Variants in PSD3 observed in about 807,000 individuals in gnomAD.
PSD3 encodes the protein PH and SEC7 domain-containing protein 3.
In PSD3, 49 loss-of-function variants were observed where a neutral mutation model predicts 105.5. That is an observed-to-expected ratio of 0.46 (90% confidence interval 0.37 to 0.59). PSD3 has a LOEUF of 0.59. Ranked by LOEUF, PSD3 falls within the 20% of genes least tolerant of loss-of-function variation. PSD3 has a pLI of 0.00. For missense variants in PSD3, 1,561 were observed against 1,263.8 expected (o/e 1.24, Z -3.57); for synonymous variants, 557 against 457.8 (o/e 1.22, Z -2.77).
chr8:19,015,025 C>T (rs903698017), upstream of PSD3, among the ~76,000 whole-genome samples: 21 of 152,160 alleles, frequency 1.4e-4, no homozygotes, highest in African/African-American at 5.1e-4. Flanking sequence ...GTCACTTGGG[C>T]ATTGATATGG....
chr8:18,780,347 C>T (rs1241967741), intron 8 of PSD3, among the ~76,000 whole-genome samples: 1 of 2,688 alleles, frequency 3.7e-4, no homozygotes, highest in Non-Finnish European at 1.7e-3. Flanking sequence ...ATAGTTAAGT[C>T]ATTTTTTTTT....
chr8:18,779,950 C>G (rs537885337), intron 8 of PSD3, among the ~76,000 whole-genome samples: 8 of 152,142 alleles, frequency 5.3e-5, no homozygotes, highest in African/African-American at 1.9e-4. Flanking sequence ...TGATCTAAAA[C>G]GAAGTTTAAA....
chr8:18,537,093 A>T (rs1303889992), intron 15 of PSD3, among the ~76,000 whole-genome samples: 4 of 152,210 alleles, frequency 2.6e-5, no homozygotes, highest in Non-Finnish European at 4.4e-5. Context: ...TCGTTTAACA[A>T]TGGGAAAAAG....
chr8:18,845,361 T>C (rs1814998455), intron 4 of PSD3, among the ~76,000 whole-genome samples: 1 of 152,208 alleles, frequency 6.6e-6, no homozygotes, highest in South Asian at 2.1e-4. Flanking sequence ...CTTTGGCGGC[T>C]GCACTGTCCC....
chr8:18,567,408 G>C (rs1332900091), intron 14 of PSD3, among the ~76,000 whole-genome samples: 2 of 152,058 alleles, frequency 1.3e-5, no homozygotes, highest in Non-Finnish European at 1.5e-5. Context: ...AAATGCATTT[G>C]CTTTAAGAGT....
intron 2 of PSD3, among the ~76,000 whole-genome samples, chr8:18,913,086 A>AAACACAC (rs1820350725): frequency 3.0e-4 from 39 of 130,542 alleles, no homozygotes; most frequent in Middle Eastern, 3.8e-3. Context: ...CACACACACA[A>AAACACAC]ACACACACAC....
At chr8:18,937,733 T>C (rs1376655415) in intron 1 of PSD3, among the ~76,000 whole-genome samples, 3 of 152,186 alleles carry the variant, frequency 2.0e-5, no homozygotes, top group Admixed American at 6.5e-5. Flanking sequence ...AGAGGAAATA[T>C]TAATTTTTTG....
intron 9 of PSD3, among the ~76,000 whole-genome samples, chr8:18,728,088 G>A (rs531033541): frequency 7.2e-5 from 11 of 151,984 alleles, no homozygotes; most frequent in Non-Finnish European, 1.5e-4. Context: ...AGAAAGGGAA[G>A]TAGAAGAGAG....
intron 14 of PSD3, among the ~76,000 whole-genome samples, chr8:18,569,606 G>A (rs1226792205): frequency 7.0e-4 from 20 of 28,612 alleles, no homozygotes; most frequent in Admixed American, 1.5e-3. Flanking sequence ...AATAAAAGAG[G>A]ATACAAACAA....
chr8:18,632,736 T>A lies in PSD3; in HGVS notation c.2287A>T (p.Thr763Ser), dbSNP rs768527782. The stretch of plus-strand genomic sequence containing the variant: ...GTAGTACTTCCAATACGACTGATGG[T>A]CTTTGGATGTGTTCCGTTAGCTTTC... ...EEKANGTHPK[T>S]ISRIGSTTNP... The change falls in exon 11 of 16, where the codon ACC becomes TCC. Residue 763 changes from threonine to serine, a missense_variant. Physicochemically the swap from Thr to Ser is moderately conservative, Grantham distance 58. Coordinates refer to ENST00000327040, the MANE Select transcript of PSD3 (RefSeq NM_015310.4). 1.2e-6 allele frequency: 2 copies of A among 1,607,006 alleles called. No individual in the cohort carries two copies. The highest frequency in any genetic ancestry group is 2.7e-5 in the African/African-American group (2 of 74,818).
chr8:18,672,943 T>C (rs942532758), intron 9 of PSD3, among the ~76,000 whole-genome samples: 2 of 152,180 alleles, frequency 1.3e-5, no homozygotes, highest in Admixed American at 6.5e-5. Flanking sequence ...TATGTACCTA[T>C]ATATGCTGTC....
intron 12 of PSD3, among the ~76,000 whole-genome samples, chr8:18,592,457 C>G (rs1186582553): frequency 6.6e-6 from 1 of 152,078 alleles, no homozygotes; most frequent in African/African-American, 2.4e-5. Flanking sequence ...GCTTATTTAC[C>G]GAACACTTCT....
At chr8:18,552,207 A>C (rs1221407991) in intron 15 of PSD3, among the ~76,000 whole-genome samples, 3 of 152,138 alleles carry the variant, frequency 2.0e-5, no homozygotes, top group Non-Finnish European at 4.4e-5. Flanking sequence ...CCCTGTAGTA[A>C]ATCTCTTGTA....
At chr8:18,546,011 T>G (rs1800428935) in intron 15 of PSD3, among the ~76,000 whole-genome samples, 1 of 152,182 alleles carries the variant, frequency 6.6e-6, no homozygotes, top group Non-Finnish European at 1.5e-5. Context: ...ATTTATTCAT[T>G]TATTTTTGAG....
At chr8:18,814,490 T>C (rs1812037508) in intron 4 of PSD3, among the ~76,000 whole-genome samples, 1 of 152,236 alleles carries the variant, frequency 6.6e-6, no homozygotes, top group Non-Finnish European at 1.5e-5. Flanking sequence ...CTTTTTGTTT[T>C]ATTTACTTAT....
intron 14 of PSD3, among the ~76,000 whole-genome samples, chr8:18,565,141 C>T (rs1204941366): frequency 6.6e-6 from 1 of 152,094 alleles, no homozygotes; most frequent in East Asian, 1.9e-4. Context: ...CTGAGCCCAG[C>T]CTGGACCTGA....
Position 18,967,243 on chromosome 8 carries a change from C to A in PSD3, c.22-31101G>T, listed in dbSNP as rs139731721. Among the ~76,000 whole-genome samples, 107 of 151,932 alleles carry A rather than the reference C, an allele frequency of 7.0e-4. 1 individual carries two copies. Among genetic ancestry groups the A allele is most frequent in the African/African-American group, 2.3e-3 (97 of 41,406 alleles). On this transcript the variant is annotated intron_variant, in intron 1 of 15. Coordinates refer to ENST00000327040, the MANE Select transcript of PSD3 (RefSeq NM_015310.4). ...TGATCTTGGCTCACGGCAACCCCTGCCTCCCAGGTTCAAGTGATTCTCCCG... is the reference window on the plus strand; with the variant it reads ...TGATCTTGGCTCACGGCAACCCCTGACTCCCAGGTTCAAGTGATTCTCCCG...
chr8:18,588,355 T>C (rs1168464795), intron 12 of PSD3, among the ~76,000 whole-genome samples: 1 of 152,196 alleles, frequency 6.6e-6, no homozygotes, highest in Non-Finnish European at 1.5e-5. Flanking sequence ...GGAATTAGTC[T>C]CTAGGATCTG....
intron 1 of PSD3, among the ~76,000 whole-genome samples, chr8:18,945,067 G>GACAC (rs36067698): frequency 0.11 from 16,373 of 151,312 alleles, 1,161 homozygotes; most frequent in Non-Finnish European, 0.16. Flanking sequence ...ATTTCAGACA[G>GACAC]ACACACACAC....
Sources: gnomAD v4.1 joint callset for allele counts (sites outside exome capture counted in the v4.1 genomes callset) on GRCh38, gnomAD v4.1.1 for gene constraint, MANE v1.5 for transcripts, NCBI Gene and HGNC (gene_info 2026-07-23, HGNC 2026-07-21) for gene names.